The following C2orf15 variants were observed in gnomAD, a reference collection of about 807,000 sequenced individuals.
C2orf15 encodes the protein chromosome 2 open reading frame 15.
C2orf15 carries 3 observed loss-of-function variants against 4.4 expected under a neutral mutation model. The ratio of observed to expected loss-of-function variants is 0.67; its 90% CI spans 0.31 to 1.74. The LOEUF (loss-of-function observed/expected upper bound fraction) is 1.74. Among genes scored for constraint, C2orf15 ranks in the 40% most tolerant of loss-of-function variants. C2orf15 has a pLI of 0.09. For synonymous variants in C2orf15, 37 were observed against 36.8 expected (o/e 1.00, Z -0.02); for missense variants, 90 against 103.3 (o/e 0.87, Z 0.56).
In C2orf15 at chr2:99,144,023, T is replaced by TG. The variant is rs530046390; in HGVS notation, c.-169+1622_-169+1623insG. Among the ~76,000 whole-genome samples, 402 of 150,806 alleles carry TG rather than the reference T, an allele frequency of 2.7e-3. 2 individuals are homozygous for TG. The highest frequency in any genetic ancestry group is 3.5e-3 in the Non-Finnish European group (240 of 67,722). ...AGCTCACTGATGCTGTGTTCCTTTT[T>TG]TTTGTTTGTTTTTTTGAGATGGAGT... On this transcript the variant is annotated intron_variant, in intron 2 of 3. Transcript: ENST00000650052.
chr2:99,145,424 T>G (rs189480455), intron 2 of C2orf15, among the ~76,000 whole-genome samples: 603 of 152,144 alleles, frequency 4.0e-3, no homozygotes, highest in Non-Finnish European at 6.3e-3. Context: ...CTGATCGTGG[T>G]GGCAGGCACC....
In C2orf15 at chr2:99,151,327, G is replaced by GC. The variant is rs1219269720; in HGVS notation, c.*493_*494insC. ...AAATGCAAAAAGTTAGCCAGGCATG[G>GC]TGGTGGGCACCTGTGATCCCAGCTA... On this transcript the variant is annotated 3_prime_UTR_variant, in exon 4 of 4. Coordinates refer to ENST00000650052, the MANE Select transcript of C2orf15 (RefSeq NM_144706.4). 6.6e-6 allele frequency: 1 copy of GC among 152,582 alleles called. No homozygotes were observed. The highest frequency in any genetic ancestry group is 1.5e-5 in the Non-Finnish European group (1 of 68,492). 9.5% of individuals were successfully genotyped at this position (152,582 alleles called of 1,614,324 possible).
chr2:99,150,219 TGAAA>T (rs934680454), intron 3 of C2orf15, among the ~76,000 whole-genome samples: 6 of 152,226 alleles, frequency 3.9e-5, no homozygotes, highest in African/African-American at 1.4e-4. Flanking sequence ...CTAGCAAGAA[TGAAA>T]GAAAGGACTA....
In C2orf15 at chr2:99,150,554, T is replaced by C; in HGVS notation, c.-5T>C. ...AATTACTTTCACATTTGTTCAGCTA[T>C]CCTAATGGGATTTTCACTTAGTAAA... On this transcript the variant is annotated 5_prime_UTR_variant, in exon 4 of 4. Transcript: ENST00000650052. 2 of 1,613,168 alleles carry C rather than the reference T, an allele frequency of 1.2e-6. No individual in the cohort carries two copies. Among genetic ancestry groups the C allele is most frequent in the South Asian group, 1.1e-5 (1 of 90,812 alleles).
chr2:99,146,312 T>C (rs1472960004), intron 2 of C2orf15, among the ~76,000 whole-genome samples: 1 of 152,238 alleles, frequency 6.6e-6, no homozygotes, highest in Non-Finnish European at 1.5e-5. Context: ...TTATATCCTT[T>C]GCCCATTTTT....
chr2:99,151,459 G>A lies in C2orf15; in HGVS notation c.*625G>A, dbSNP rs143578429. On this transcript the variant is annotated 3_prime_UTR_variant, in exon 4 of 4. Transcript: ENST00000650052. ...GCCTGGGCAACAAGAGCAAAACTCC[G>A]TCTCAAAAAAAAAAAAAAAAAAAAA... is the stretch of plus-strand genomic sequence containing the variant. The A allele has an allele frequency of 0.087, 5,861 of 67,580 alleles. 275 individuals carry two copies. Among genetic ancestry groups the A allele is most frequent in the East Asian group, 0.35 (933 of 2,636 alleles). 4.2% of individuals were successfully genotyped at this position (67,580 alleles called of 1,614,324 possible). A position where few individuals can be genotyped will look rare whatever the true frequency, so the allele number is the denominator to read the frequency against.
At chr2:99,146,609 G>C in intron 2 of C2orf15, among the ~76,000 whole-genome samples, 1 of 151,998 alleles carries the variant, frequency 6.6e-6, no homozygotes, top group Non-Finnish European at 1.5e-5. Context: ...TCACATTTAG[G>C]TCTTTAATGC....
At chr2:99,145,677 A>AT (rs1449757409) in intron 2 of C2orf15, among the ~76,000 whole-genome samples, 1 of 152,234 alleles carries the variant, frequency 6.6e-6, no homozygotes, top group Non-Finnish European at 1.5e-5. Context: ...GCCACATAAC[A>AT]TAACATAGTC....
intron 2 of C2orf15, among the ~76,000 whole-genome samples, chr2:99,145,914 T>A (rs892495287): frequency 6.6e-6 from 1 of 152,024 alleles, no homozygotes; most frequent in Non-Finnish European, 1.5e-5. Flanking sequence ...GGAGGATTGC[T>A]TGAGTACAGG....
chr2:99,144,303 G>A (rs944895263), intron 2 of C2orf15, among the ~76,000 whole-genome samples: 1 of 151,972 alleles, frequency 6.6e-6, no homozygotes, highest in Admixed American at 6.6e-5. Flanking sequence ...TTACAGGCAT[G>A]AGCCACCGCG....
At chr2:99,144,847 C>T (rs1387585701) in intron 2 of C2orf15, among the ~76,000 whole-genome samples, 1 of 152,032 alleles carries the variant, frequency 6.6e-6, no homozygotes, top group Non-Finnish European at 1.5e-5. Flanking sequence ...GGTCCTGAAG[C>T]AGGAGAAGGT....
chr2:99,143,269 G>A lies in C2orf15; in HGVS notation c.-169+868G>A, dbSNP rs183138321. ...CCATTCTCCTGCCTCAGCCTCCCAA[G>A]TAGCTAGGACTACAGGCGCCCACTA... On this transcript the variant is annotated intron_variant, in intron 2 of 3. Transcript: ENST00000650052. Among the ~76,000 whole-genome samples the A allele has an allele frequency of 5.6e-3, 830 of 149,004 alleles. 6 individuals are homozygous for A. The highest frequency in any genetic ancestry group is 9.9e-3 in the Non-Finnish European group (666 of 67,580).
chr2:99,145,207 A>G (rs2093619804), intron 2 of C2orf15, among the ~76,000 whole-genome samples: 1 of 152,080 alleles, frequency 6.6e-6, no homozygotes, highest in South Asian at 2.1e-4. Flanking sequence ...ATGGCCAGTC[A>G]AGTCCTCCTC....
At chr2:99,149,061 C>G (rs1047202033) in intron 3 of C2orf15, among the ~76,000 whole-genome samples, 1 of 151,788 alleles carries the variant, frequency 6.6e-6, no homozygotes, top group Non-Finnish European at 1.5e-5. Context: ...ATCCCAGCTA[C>G]TCAGGAGGCT....
At position 99,147,472 on chromosome 2, in the gene C2orf15, C is replaced by T; in HGVS notation, c.-98C>T. 6.2e-7 allele frequency: 1 copy of T among 1,613,986 alleles called. No individual in the cohort carries two copies. Among genetic ancestry groups the T allele is most frequent in the Non-Finnish European group, 8.5e-7 (1 of 1,179,892 alleles). ...CAATAGACTTGTTCACCCTTCATGTCCTCAACTCTGGGGAAGTTAAGGTAA... is the reference window on the plus strand; with the variant it reads ...CAATAGACTTGTTCACCCTTCATGTTCTCAACTCTGGGGAAGTTAAGGTAA... On this transcript the variant is annotated 5_prime_UTR_variant, in exon 3 of 4. Transcript: ENST00000650052.
intron 2 of C2orf15, among the ~76,000 whole-genome samples, chr2:99,146,631 A>G (rs2093634811): frequency 1.3e-5 from 2 of 151,906 alleles, no homozygotes; most frequent in Non-Finnish European, 2.9e-5. Context: ...TTTGCACTCC[A>G]CTTTTTTTTC....
At chr2:99,150,086 C>CCAG (rs1365449714) in intron 3 of C2orf15, among the ~76,000 whole-genome samples, 1 of 152,158 alleles carries the variant, frequency 6.6e-6, no homozygotes, top group Non-Finnish European at 1.5e-5. Context: ...GCCACCGCAC[C>CCAG]CAGCCAATCA....
At chr2:99,143,967 A>G (rs544791437) in intron 2 of C2orf15, among the ~76,000 whole-genome samples, 3 of 151,892 alleles carry the variant, frequency 2.0e-5, no homozygotes, top group Non-Finnish European at 2.9e-5. Context: ...CTCCAATTCC[A>G]TATGTGTTAA....
chr2:99,141,898 C>T lies in C2orf15; in HGVS notation c.-325C>T, dbSNP rs2093567852. ...TTAAGAGAGGCTTCCAGGTCCAGCC[C>T]TCCCGCTGCAGCCTGCAGGGAGCGA... On this transcript the variant is annotated 5_prime_UTR_variant, in exon 1 of 4. Transcript: ENST00000650052. 6.6e-6 allele frequency: 1 copy of T among 152,348 alleles called. No individual in the cohort carries two copies. Among genetic ancestry groups the T allele is most frequent in the South Asian group, 2.1e-4 (1 of 4,838 alleles). 9.4% of individuals were successfully genotyped at this position (152,348 alleles called of 1,614,324 possible).
Sources: allele counts gnomAD v4.1 joint callset (sites outside exome capture counted in the v4.1 genomes callset), GRCh38; gene constraint gnomAD v4.1.1; transcripts MANE v1.5; gene names NCBI Gene and HGNC (gene_info 2026-07-23, HGNC 2026-07-21).